TRUB1: variants seen among roughly 807,000 people sequenced by gnomAD.
TRUB1 encodes TruB pseudouridine synthase family member 1.
Under a neutral mutation model 33.9 loss-of-function variants are expected in TRUB1, and 23 were observed. The observed-to-expected ratio is 0.68, with a 90% confidence interval of 0.49 to 0.96. TRUB1 has a LOEUF of 0.96. TRUB1 is among the 40% of genes least tolerant of loss of function. The pLI is 0.00. For synonymous variants in TRUB1, 163 were observed against 165.4 expected (o/e 0.99, Z 0.11); for missense variants, 378 against 422.2 (o/e 0.90, Z 0.92).
intron 4 of TRUB1, among the ~76,000 whole-genome samples, chr10:114,961,786 A>G (rs1408954815): frequency 6.6e-6 from 1 of 152,212 alleles, no homozygotes; most frequent in Non-Finnish European, 1.5e-5. Flanking sequence ...TGAAGCTGCT[A>G]TAGCAGGTAC....
At chr10:114,957,637 G>A (rs1200303467) in intron 3 of TRUB1, among the ~76,000 whole-genome samples, 2 of 152,326 alleles carry the variant, frequency 1.3e-5, no homozygotes, top group South Asian at 4.1e-4. Flanking sequence ...TTGATCCTTA[G>A]AGAAGAGTGG....
Position 114,970,389 on chromosome 10 carries a change from T to C in TRUB1, c.545T>C (p.Ile182Thr), listed in dbSNP as rs572364497. ...KPYDKITQED[I>T]EGILQKFTGN... ...GCAGATAAAATAACACAAGAAGATA[T>C]TGAAGGCATTCTACAGAAATTTACT... is the stretch of plus-strand genomic sequence containing the variant. The change falls in exon 5 of 8, where the codon ATT becomes ACT. Residue 182 changes from isoleucine (I) to threonine (T), a missense_variant. Physicochemically the swap from Ile to Thr is moderately conservative, Grantham distance 89 (BLOSUM62 -1). Transcript: ENST00000298746. 2.5e-5 allele frequency: 40 copies of C among 1,612,500 alleles called. No individual in the cohort carries two copies. The highest frequency in any genetic ancestry group is 2.9e-5 in the Non-Finnish European group (34 of 1,178,850).
intron 2 of TRUB1, among the ~76,000 whole-genome samples, chr10:114,949,857 CCTCATCT>C (rs1397883137): frequency 2.6e-5 from 4 of 151,110 alleles, no homozygotes; most frequent in Non-Finnish European, 5.9e-5. Context: ...ATTCCTGTTT[CCTCATCT>C]ATCAACAGGG....
At chr10:114,954,879 C>T (rs1013865430) in intron 3 of TRUB1, among the ~76,000 whole-genome samples, 2 of 151,562 alleles carry the variant, frequency 1.3e-5, no homozygotes, top group African/African-American at 2.4e-5. Context: ...CAGGCAAGTT[C>T]TGTTGGAACT....
rs183223963 is a variant in TRUB1, at chr10:114,967,661, T to C, written c.524-2707T>C. Among the ~76,000 whole-genome samples, 30 of 152,376 alleles carry C rather than the reference T, an allele frequency of 2.0e-4. 1 individual carries two copies. The highest frequency in any genetic ancestry group is 5.2e-4 in the Admixed American group (8 of 15,310). On this transcript the variant is annotated intron_variant, in intron 4 of 7. Transcript: ENST00000298746. ...AGTCCTATGACACTTGTACCTCTTT[T>C]ACCAAATATGTTTATTCTGCCTAGT...
At chr10:114,943,396 G>T (rs2084197606) in intron 2 of TRUB1, among the ~76,000 whole-genome samples, 1 of 152,212 alleles carries the variant, frequency 6.6e-6, no homozygotes, top group Non-Finnish European at 1.5e-5. Flanking sequence ...TGGGTGTGGT[G>T]GCATGTGCCT....
At chr10:114,946,008 T>C (rs1298613522) in intron 2 of TRUB1, among the ~76,000 whole-genome samples, 1 of 152,190 alleles carries the variant, frequency 6.6e-6, no homozygotes, top group Non-Finnish European at 1.5e-5. Flanking sequence ...GTTTAAAAAA[T>C]TGTAGGTGTT....
chr10:114,946,938 A>G (rs1433001198), intron 2 of TRUB1, among the ~76,000 whole-genome samples: 1 of 152,206 alleles, frequency 6.6e-6, no homozygotes, highest in Non-Finnish European at 1.5e-5. Flanking sequence ...CACAAGGAAC[A>G]TTAGGGTTGT....
At chr10:114,957,022 CA>C (rs2084264405) in intron 3 of TRUB1, among the ~76,000 whole-genome samples, 3 of 152,182 alleles carry the variant, frequency 2.0e-5, no homozygotes, top group African/African-American at 7.2e-5. Flanking sequence ...TGAGACTTAG[CA>C]GATGAAATCT....
intron 1 of TRUB1, 22 bp from the exon 2 acceptor site, chr10:114,942,623 T>TTCATCCCCATTTC (rs768209414): frequency 6.5e-7 from 1 of 1,541,354 alleles, no homozygotes; most frequent in African/African-American, 1.4e-5. Flanking sequence ...ATCACCTTTT[T>TTCATCCCCATTTC]TCATCCCCAT....
At chr10:114,971,974 T>A (rs1269482622) in intron 5 of TRUB1, among the ~76,000 whole-genome samples, 161 bp from the exon 6 acceptor site, 1 of 152,230 alleles carries the variant, frequency 6.6e-6, no homozygotes, top group Non-Finnish European at 1.5e-5. Flanking sequence ...TAGATTAGAA[T>A]TAAAAATTCA....
rs1004345589 is a variant in TRUB1 at position 114,973,849 on chromosome 10, T to TTTGG, written c.737-460_737-457dup. On this transcript the variant is annotated intron_variant, in intron 6 of 7. Coordinates refer to ENST00000298746, the MANE Select transcript of TRUB1 (RefSeq NM_139169.5). ...ATTCTTGTCACTGTGAAAAGGGGTT[T>TTTGG]TTGGTTGGTTGGTTGGTTGGTTGTA... Among the ~76,000 whole-genome samples the TTTGG allele has an allele frequency of 5.9e-5, 9 of 152,258 alleles. No homozygotes were observed. In the South Asian group the frequency reaches 6.2e-4, roughly 11 times the overall value.
chr10:114,969,908 A>G (rs1169682619), intron 4 of TRUB1, among the ~76,000 whole-genome samples: 3 of 152,190 alleles, frequency 2.0e-5, no homozygotes, highest in Non-Finnish European at 4.4e-5. Context: ...TGTGGATAAT[A>G]CTTGTTAAGT....
chr10:114,977,131 C>T lies in TRUB1; in HGVS notation c.*1752C>T, dbSNP rs376356913. On this transcript the variant is annotated 3_prime_UTR_variant, in exon 8 of 8. Transcript: ENST00000298746. ...GAGATTGTTGACCATTTTTAAAAAACGATAGCCACTCTTTTTCTTTTATGT... is the reference window on the plus strand; with the variant it reads ...GAGATTGTTGACCATTTTTAAAAAATGATAGCCACTCTTTTTCTTTTATGT... 1 of 152,078 alleles carries T rather than the reference C, an allele frequency of 6.6e-6. No individual in the cohort carries two copies. Among genetic ancestry groups the T allele is most frequent in the Admixed American group, 6.6e-5 (1 of 15,258 alleles). 9.4% of individuals were successfully genotyped at this position (152,078 alleles called of 1,614,324 possible).
intron 2 of TRUB1, among the ~76,000 whole-genome samples, chr10:114,950,470 C>T (rs1174271098): frequency 3.9e-5 from 6 of 152,216 alleles, no homozygotes; most frequent in Admixed American, 3.3e-4. Context: ...TAAATCCTCT[C>T]ACCCTCACCA....
intron 4 of TRUB1, among the ~76,000 whole-genome samples, chr10:114,963,641 C>T (rs1369357720): frequency 6.6e-6 from 1 of 152,210 alleles, no homozygotes. Context: ...ACTGTTCTAA[C>T]ATCCAATGCT....
chr10:114,941,086 C>T (rs1459274376), intron 1 of TRUB1, among the ~76,000 whole-genome samples: 3 of 152,110 alleles, frequency 2.0e-5, no homozygotes, highest in Non-Finnish European at 2.9e-5. Flanking sequence ...TCTGTCCACT[C>T]GTTTCGTTTT....
At chr10:114,968,552 T>C (rs541626043) in intron 4 of TRUB1, among the ~76,000 whole-genome samples, 1 of 150,994 alleles carries the variant, frequency 6.6e-6, no homozygotes, top group East Asian at 1.9e-4. Context: ...TAGACTAAAA[T>C]TTTTTCATAG....
At chr10:114,949,804 C>T (rs998403233) in intron 2 of TRUB1, among the ~76,000 whole-genome samples, 4 of 151,658 alleles carry the variant, frequency 2.6e-5, no homozygotes, top group African/African-American at 9.7e-5. Context: ...TTAACTCTAC[C>T]AGGTACTGGT....
Sources: gnomAD v4.1 joint callset for allele counts (sites outside exome capture counted in the v4.1 genomes callset) on GRCh38, gnomAD v4.1.1 for gene constraint, MANE v1.5 for transcripts, NCBI Gene and HGNC (gene_info 2026-07-23, HGNC 2026-07-21) for gene names.